The following RABGAP1L variants were observed in gnomAD, a reference collection of about 807,000 sequenced individuals.
RABGAP1L encodes RAB GTPase activating protein 1 like.
A neutral mutation model predicts 137.7 loss-of-function variants in RABGAP1L; 63 were observed. The observed-to-expected ratio is 0.46, with a 90% CI of 0.37 to 0.56. The LOEUF is 0.56. Ranked by LOEUF, RABGAP1L falls within the 20% of genes least tolerant of loss-of-function variation. The probability of loss-of-function intolerance (pLI) is 0.00; values close to 1 mark genes in which losing one functional copy is unlikely to be tolerated. For synonymous variants in RABGAP1L, 431 were observed against 433.7 expected, an observed-to-expected ratio of 0.99 and a Z score of 0.08; for missense variants, 1,095 against 1,244.0, an observed-to-expected ratio of 0.88 and a Z score of 1.80.
chr1:174,696,391 T>G (rs942027819), intron 15 of RABGAP1L, among the ~76,000 whole-genome samples: 2 of 152,064 alleles, frequency 1.3e-5, no homozygotes, highest in Non-Finnish European at 2.9e-5. Context: ...TTGTTGTTGT[T>G]TCTATTTGAT....
chr1:174,195,745 T>TTCTTTCTTTCTTTCTC, intron 1 of RABGAP1L, among the ~76,000 whole-genome samples: 1 of 129,772 alleles, frequency 7.7e-6, no homozygotes, highest in Non-Finnish European at 1.6e-5. Flanking sequence ...CTTTCTTTCT[T>TTCTTTCTTTCTTTCTC]TCTTTCTCTC....
At position 174,656,583 on chromosome 1, in the gene RABGAP1L, A is replaced by G. The variant is rs190708819; in HGVS notation, c.1824+19095A>G. ...CAGTCCAAAAAGAAACCTTATACCCATTAGAAATCAATCACCCTTTATTAC... is the reference window on the plus strand; with the variant it reads ...CAGTCCAAAAAGAAACCTTATACCCGTTAGAAATCAATCACCCTTTATTAC... On this transcript the variant is annotated intron_variant, in intron 14 of 25. Coordinates refer to ENST00000681986, the MANE Select transcript of RABGAP1L (RefSeq NM_001366446.1). 1.6e-3 allele frequency among the ~76,000 whole-genome samples: 244 copies of G among 152,310 alleles called. 1 individual carries two copies. Among genetic ancestry groups the G allele is most frequent in the Non-Finnish European group, 5.1e-4 (35 of 68,028 alleles).
At chr1:174,505,140 T>C (rs546012191) in intron 13 of RABGAP1L, among the ~76,000 whole-genome samples, 2 of 152,300 alleles carry the variant, frequency 1.3e-5, no homozygotes, top group Non-Finnish European at 2.9e-5. Context: ...TTTGCATATC[T>C]TTACAGATTT....
intron 13 of RABGAP1L, among the ~76,000 whole-genome samples, chr1:174,430,414 G>A (rs538287242): frequency 6.6e-6 from 1 of 151,874 alleles, no homozygotes; most frequent in Non-Finnish European, 1.5e-5. Context: ...GCACCCTCAT[G>A]ATTTTGTTTT....
intron 17 of RABGAP1L, among the ~76,000 whole-genome samples, chr1:174,720,437 C>A (rs1681429146): frequency 1.3e-5 from 2 of 152,040 alleles, no homozygotes; most frequent in African/African-American, 4.8e-5. Context: ...CCTCAGCTTC[C>A]TGAGTGGCTG....
intron 12 of RABGAP1L, among the ~76,000 whole-genome samples, chr1:174,390,735 A>C (rs1352384592): frequency 6.6e-6 from 1 of 152,130 alleles, no homozygotes; most frequent in Non-Finnish European, 1.5e-5. Context: ...TTGGTGGTGG[A>C]TTAGTAATAG....
intron 14 of RABGAP1L, among the ~76,000 whole-genome samples, chr1:174,662,102 C>CT (rs749496325): frequency 0.11 from 9,645 of 90,204 alleles, 676 homozygotes; most frequent in East Asian, 0.28. Context: ...CTTTTCTTTT[C>CT]TTTTTTTTTT....
At chr1:174,170,930 A>G (rs1205015693) in intron 1 of RABGAP1L, among the ~76,000 whole-genome samples, 1 of 152,250 alleles carries the variant, frequency 6.6e-6, no homozygotes, top group Non-Finnish European at 1.5e-5. Flanking sequence ...GAAATCTTGT[A>G]CACATATTTG....
chr1:174,942,844 C>A (rs1451909531), intron 19 of RABGAP1L, among the ~76,000 whole-genome samples: 5 of 152,162 alleles, frequency 3.3e-5, no homozygotes. Flanking sequence ...TGCCTTGAAG[C>A]CCCCAAATAT....
intron 13 of RABGAP1L, among the ~76,000 whole-genome samples, chr1:174,530,983 A>C (rs975438099): frequency 2.6e-5 from 4 of 152,202 alleles, no homozygotes; most frequent in Non-Finnish European, 4.4e-5. Context: ...AGAGATAGGA[A>C]ATAGGATAGA....
chr1:174,618,751 A>G (rs114500082), intron 13 of RABGAP1L, among the ~76,000 whole-genome samples: 3,409 of 152,226 alleles, frequency 0.022, 60 homozygotes, highest in Middle Eastern at 0.085. Context: ...TCCTCCAAAA[A>G]CGCAGCTCCT....
At chr1:174,376,935 G>A (rs1425449157) in intron 12 of RABGAP1L, among the ~76,000 whole-genome samples, 2 of 152,094 alleles carry the variant, frequency 1.3e-5, no homozygotes, top group African/African-American at 4.8e-5. Context: ...AGATGTGATT[G>A]TCTGTGTAGA....
chr1:174,463,524 G>A (rs556806535), intron 13 of RABGAP1L, among the ~76,000 whole-genome samples: 1 of 151,798 alleles, frequency 6.6e-6, no homozygotes, highest in Non-Finnish European at 1.5e-5. Context: ...GGGTGGGGGA[G>A]GGGGAAGGGA....
At chr1:174,540,057 T>G (rs191225153) in intron 13 of RABGAP1L, among the ~76,000 whole-genome samples, 31 of 152,344 alleles carry the variant, frequency 2.0e-4, no homozygotes, top group Admixed American at 1.6e-3. Flanking sequence ...TGATAAGCAT[T>G]TTTTCATGTG....
Position 174,494,831 on chromosome 1 carries a change from C to A in RABGAP1L, c.1710+100686C>A, listed in dbSNP as rs77052099. ...AATACTAGTACCCATTCTTTCATAGCCAGGAAAAAGGGGAGAGGGTGTTGG... is the reference window on the plus strand; with the variant it reads ...AATACTAGTACCCATTCTTTCATAGACAGGAAAAAGGGGAGAGGGTGTTGG... On this transcript the variant is annotated intron_variant, in intron 13 of 25. Coordinates refer to ENST00000681986, the MANE Select transcript of RABGAP1L (RefSeq NM_001366446.1). Among the ~76,000 whole-genome samples the A allele has an allele frequency of 9.5e-3, 1,443 of 152,088 alleles. 25 individuals are homozygous for A. Among genetic ancestry groups the A allele is most frequent in the African/African-American group, 0.033 (1,384 of 41,484 alleles).
chr1:174,217,162 A>T (rs1669399882), intron 1 of RABGAP1L, among the ~76,000 whole-genome samples: 1 of 152,180 alleles, frequency 6.6e-6, no homozygotes, highest in Non-Finnish European at 1.5e-5. Context: ...TTTCGTGTTC[A>T]AGTAACTTTG....
chr1:174,618,083 C>T (rs964238181), intron 13 of RABGAP1L, among the ~76,000 whole-genome samples: 7 of 152,162 alleles, frequency 4.6e-5, no homozygotes, highest in African/African-American at 7.2e-5. Context: ...AAGGCAGCAG[C>T]GAGGCTGTGG....
chr1:174,661,553 G>A (rs1372257335), intron 14 of RABGAP1L, among the ~76,000 whole-genome samples: 1 of 151,924 alleles, frequency 6.6e-6, no homozygotes, highest in Admixed American at 6.6e-5. Flanking sequence ...ATGCTTGTGG[G>A]CCTTCCTAAA....
At chr1:174,252,681 T>G (rs1300644605) in intron 7 of RABGAP1L, 91 bp downstream of exon 7, 2 of 1,495,054 alleles carry the variant, frequency 1.3e-6, no homozygotes, top group Non-Finnish European at 1.8e-6. Context: ...TTCACTATAC[T>G]TCATTTTCTC....
Sources: allele counts gnomAD v4.1 joint callset (sites outside exome capture counted in the v4.1 genomes callset), GRCh38; gene constraint gnomAD v4.1.1; transcripts MANE v1.5; gene names NCBI Gene and HGNC (gene_info 2026-07-23, HGNC 2026-07-21).